RNASE12: variants seen among roughly 807,000 people sequenced by gnomAD.
RNASE12 encodes the protein ribonuclease A family member 12 (inactive), also known as probable inactive ribonuclease-like protein 12.
For missense variants in RNASE12, 161 were observed against 177.6 expected, an observed-to-expected ratio of 0.91 and a Z score of 0.53; for synonymous variants, 55 against 59.8, an observed-to-expected ratio of 0.92 and a Z score of 0.37.
At chr14:20,590,464 G>A (rs1287939495) in exon 1 of RNASE12, 2 of 1,614,238 alleles carry the variant, frequency 1.2e-6, no homozygotes, top group Non-Finnish European at 1.7e-6. Flanking sequence ...GTTTTGGCAA[G>A]CAACCTTCTT....
chr14:20,590,986 T>C (rs1884568622), upstream of RNASE12: 1 of 985,450 alleles, frequency 1.0e-6, no homozygotes. Context: ...AAATTATTCC[T>C]GTTGTGTTTG....
chr14:20,590,950 C>CAG, upstream of RNASE12: 1 of 1,405,048 alleles, frequency 7.1e-7, no homozygotes, highest in East Asian at 2.7e-5. Flanking sequence ...TGCCAGCTCT[C>CAG]AGAGTTTGGT....
At chr14:20,590,529 C>T (rs1463661275) in exon 1 of RNASE12, 1 of 1,614,118 alleles carries the variant, frequency 6.2e-7, no homozygotes, top group Non-Finnish European at 8.5e-7. Context: ...TGAAGACATG[C>T]TCCTTTTTAC....
At chr14:20,590,801 C>A in exon 1 of RNASE12, 1 of 1,564,416 alleles carries the variant, frequency 6.4e-7, no homozygotes, top group South Asian at 1.2e-5. Context: ...AAAGGACAGT[C>A]AGATTCCTCC....
At chr14:20,591,301 G>C (rs894345701), upstream of RNASE12, 12 of 985,040 alleles carry the variant, frequency 1.2e-5, no homozygotes, top group Non-Finnish European at 1.4e-5. Flanking sequence ...ATAGCCTTTT[G>C]ATCATGAATT....
At chr14:20,591,060 G>C, upstream of RNASE12, 1 of 985,014 alleles carries the variant, frequency 1.0e-6, no homozygotes. Context: ...CCTTCGAAGT[G>C]CTCAACACAG....
At chr14:20,591,027 A>AC (rs1317832697), upstream of RNASE12, 24 of 985,032 alleles carry the variant, frequency 2.4e-5, no homozygotes, top group Non-Finnish European at 2.8e-5. Flanking sequence ...GACAGCAGAT[A>AC]CCACATCTCC....
rs1468211174 is a variant in RNASE12, at chr14:20,590,590, T to TA, written c.133dup (p.Tyr45LeufsTer15). ...TCTTTGTATGATCATGTGGTTGCAG[T>TA]ACCTTGCAGGAACGGGAACGTCATT... On this transcript the variant is annotated frameshift_variant, in exon 1 of 1. Coordinates refer to ENST00000556526, the Ensembl canonical transcript of RNASE12. LOFTEE classifies it low-confidence loss of function (END_TRUNC). 1 of 1,614,262 alleles carries TA rather than the reference T, an allele frequency of 6.2e-7. No individual in the cohort carries two copies. The highest frequency in any genetic ancestry group is 1.1e-5 in the South Asian group (1 of 91,084).
At chr14:20,591,029 C>G, upstream of RNASE12, 1 of 985,122 alleles carries the variant, frequency 1.0e-6, no homozygotes, top group Non-Finnish European at 1.2e-6. Flanking sequence ...CAGCAGATAC[C>G]ACATCTCCTA....
chr14:20,590,195 T>A (rs1884537712), exon 1 of RNASE12: 17 of 1,540,648 alleles, frequency 1.1e-5, no homozygotes, highest in African/African-American at 1.4e-5. Flanking sequence ...CATTGCCCCA[T>A]GTCCACGGTC....
chr14:20,590,544 G>C lies in RNASE12; in HGVS notation c.180C>G (p.His60Gln). 1 of 1,614,254 alleles carries C rather than the reference G, an allele frequency of 6.2e-7. No individual in the cohort carries two copies. Among genetic ancestry groups the C allele is most frequent in the Non-Finnish European group, 8.5e-7 (1 of 1,180,046 alleles). Residue 60 changes from histidine to glutamine, a missense_variant, in exon 1 of 1, where the codon CAC (histidine) becomes CAG (glutamine). By Grantham distance (24) the His-to-Gln change is conservative. Transcript: ENST00000556526. ...TGAAGACATGCTCCTTTTTACAAGTGTGGTCAGGTTCCCTGATAACTCTTT... is the reference window on the plus strand; with the variant it reads ...TGAAGACATGCTCCTTTTTACAAGTCTGGTCAGGTTCCCTGATAACTCTTT...
At chr14:20,590,574 G>A in exon 1 of RNASE12, 1 of 1,614,210 alleles carries the variant, frequency 6.2e-7, no homozygotes, top group Non-Finnish European at 8.5e-7. Flanking sequence ...CTCTTTGTAT[G>A]ATCATGTGGT....
chr14:20,590,954 G>A (rs1884567451), upstream of RNASE12: 1 of 1,400,614 alleles, frequency 7.1e-7, no homozygotes, highest in Non-Finnish European at 9.3e-7. Flanking sequence ...AGCTCTCAGA[G>A]TTTGGTACTG....
downstream of RNASE12, chr14:20,590,144 A>C: frequency 1.2e-5 from 17 of 1,449,662 alleles, no homozygotes; most frequent in South Asian, 2.1e-4. Context: ...CAATACAGGA[A>C]GGATAAATTA....
In RNASE12 at chr14:20,590,382, T is replaced by A. The variant is rs773534987; in HGVS notation, c.342A>T (p.Thr114=). ...AGTGGTACCTGCAGGCAGGGTATCT[T>A]GTGCCTTCAATGAGCTGACAGACTG... The change falls in exon 1 of 1, where the codon ACA becomes ACT. Residue 114 remains threonine, a synonymous_variant. Transcript: ENST00000556526. 6.4e-5 allele frequency: 104 copies of A among 1,614,104 alleles called. 1 individual carries two copies. Among genetic ancestry groups the A allele is most frequent in the Admixed American group, 1.8e-4 (11 of 60,012 alleles).
At chr14:20,590,991 T>C, upstream of RNASE12, 1 of 985,442 alleles carries the variant, frequency 1.0e-6, no homozygotes, top group Non-Finnish European at 1.2e-6. Context: ...ATTCCTGTTG[T>C]GTTTGTTTTG....
At chr14:20,590,277 G>A (rs543334477) in exon 1 of RNASE12, 2 of 1,612,358 alleles carry the variant, frequency 1.2e-6, no homozygotes, top group South Asian at 1.1e-5. Flanking sequence ...AGCTGATCTT[G>A]AGTTATTTAA....
chr14:20,590,459 G>T (rs1266060900), exon 1 of RNASE12: 2 of 1,614,090 alleles, frequency 1.2e-6, no homozygotes, highest in Non-Finnish European at 1.7e-6. Context: ...GAAAGGTTTT[G>T]GCAAGCAACC....
upstream of RNASE12, chr14:20,590,911 T>C (rs2138901898): frequency 1.4e-6 from 2 of 1,432,478 alleles, no homozygotes; most frequent in Middle Eastern, 2.6e-4. Context: ...GCTGGAGGCA[T>C]AGTTCCCCAA....
Sources: allele counts gnomAD v4.1 joint callset, GRCh38; gene constraint gnomAD v4.1.1; transcripts MANE v1.5; gene names NCBI Gene and HGNC (gene_info 2026-07-23, HGNC 2026-07-21).